The following CDH2 variants were observed in gnomAD, a reference collection of about 807,000 sequenced individuals.
The protein encoded by CDH2 is cadherin-2.
In CDH2, 17 loss-of-function variants were observed where a neutral mutation model predicts 92.0. That is an observed-to-expected ratio of 0.18 (90% CI 0.13 to 0.28). The LOEUF (loss-of-function observed/expected upper bound fraction) is 0.28. Ranked by LOEUF, CDH2 falls within the 10% of genes least tolerant of loss-of-function variation. CDH2 has a pLI of 1.00. For missense variants in CDH2, 862 were observed against 1,133.1 expected (o/e 0.76, Z 3.44); for synonymous variants, 419 against 415.9 (o/e 1.01, Z -0.09).
At chr18:28,147,812 G>A in intron 1 of CDH2, 28 bp from the exon 2 acceptor site, 2 of 1,115,256 alleles carry the variant, frequency 1.8e-6, no homozygotes, top group South Asian at 1.3e-5. Flanking sequence ...AAAAAAAAAT[G>A]TGTGCAATGA....
At chr18:28,060,078 T>C (rs1341023713) in intron 2 of CDH2, among the ~76,000 whole-genome samples, 2 of 152,112 alleles carry the variant, frequency 1.3e-5, no homozygotes, top group Non-Finnish European at 2.9e-5. Flanking sequence ...CAGGAGTACA[T>C]AACAACGCAT....
At chr18:28,045,384 TC>T (rs751271332) in intron 2 of CDH2, 1 of 466,666 alleles carries the variant, frequency 2.1e-6, no homozygotes, top group South Asian at 1.6e-5. Flanking sequence ...TAAATAGCTC[TC>T]CATTGATTAG....
At chr18:28,148,505 C>G (rs1466431729) in intron 1 of CDH2, among the ~76,000 whole-genome samples, 1 of 152,196 alleles carries the variant, frequency 6.6e-6, no homozygotes, top group African/African-American at 2.4e-5. Context: ...CTAGCTAACC[C>G]TCCAAGTTAG....
chr18:28,069,182 T>C (rs2014569353), intron 2 of CDH2, among the ~76,000 whole-genome samples: 1 of 152,196 alleles, frequency 6.6e-6, no homozygotes, highest in African/African-American at 2.4e-5. Flanking sequence ...GTTTTACACC[T>C]ATCTTTATAT....
At chr18:28,091,098 G>C (rs2015028572) in intron 2 of CDH2, among the ~76,000 whole-genome samples, 1 of 152,184 alleles carries the variant, frequency 6.6e-6, no homozygotes, top group African/African-American at 2.4e-5. Context: ...AAAGGATCTA[G>C]ATGTACTCTG....
intron 6 of CDH2, among the ~76,000 whole-genome samples, chr18:27,934,096 A>G (rs1343671291): frequency 2.6e-5 from 4 of 152,254 alleles, no homozygotes; most frequent in East Asian, 1.9e-4. Context: ...TACACGTAGG[A>G]TAAAATACAC....
chr18:27,940,286 C>T (rs1299447176), intron 6 of CDH2, among the ~76,000 whole-genome samples: 1 of 152,190 alleles, frequency 6.6e-6, no homozygotes, highest in Non-Finnish European at 1.5e-5. Flanking sequence ...TTAGGCAAAT[C>T]CAGACTCGCT....
At chr18:28,125,055 AAG>A (rs2015654309) in intron 2 of CDH2, among the ~76,000 whole-genome samples, 1 of 152,218 alleles carries the variant, frequency 6.6e-6, no homozygotes, top group African/African-American at 2.4e-5. Context: ...TGGGCAGGGA[AAG>A]GGGACAGACT....
intron 2 of CDH2, among the ~76,000 whole-genome samples, chr18:28,096,486 G>A (rs527537973): frequency 1.3e-5 from 2 of 149,814 alleles, no homozygotes; most frequent in Admixed American, 6.6e-5. Flanking sequence ...ACACATTTCT[G>A]GAACGCAATA....
At chr18:28,131,980 G>A (rs1357439299) in intron 2 of CDH2, among the ~76,000 whole-genome samples, 2 of 152,074 alleles carry the variant, frequency 1.3e-5, no homozygotes, top group Non-Finnish European at 2.9e-5. Context: ...CTAGGCATTG[G>A]GAATACCGGG....
At position 27,963,443 on chromosome 18, in the gene CDH2, C is replaced by A. The variant is rs1357019333; in HGVS notation, c.2428G>T (p.Asp810Tyr). The A allele has an allele frequency of 6.2e-7, 1 of 1,614,044 alleles. No individual in the cohort carries two copies. Among genetic ancestry groups the A allele is most frequent in the East Asian group, 2.2e-5 (1 of 44,862 alleles). Reference protein sequence around the residue: ...AIKPVGIRRMDERPIHAEPQY... With the variant: ...AIKPVGIRRMYERPIHAEPQY... ...GGCTCGGCGTGGATGGGTCTTTCATCCATTCGTCGGATTCCCACAGGCTTG... is the reference window on the plus strand; with the variant it reads ...GGCTCGGCGTGGATGGGTCTTTCATACATTCGTCGGATTCCCACAGGCTTG... The change falls in exon 15 of 16, where the codon GAT becomes TAT. Residue 810 changes from aspartate to tyrosine, a missense_variant. By Grantham distance (160) the Asp-to-Tyr change is radical. Coordinates refer to ENST00000269141, the MANE Select transcript of CDH2 (RefSeq NM_001792.5).
intron 14 of CDH2, among the ~76,000 whole-genome samples, chr18:27,967,416 GGAT>G (rs1418110172): frequency 6.6e-6 from 1 of 152,120 alleles, no homozygotes; most frequent in Non-Finnish European, 1.5e-5. Flanking sequence ...ACAACATGTA[GGAT>G]GAGAATTATA....
chr18:28,055,985 G>C (rs2014285020), intron 2 of CDH2, among the ~76,000 whole-genome samples: 1 of 152,022 alleles, frequency 6.6e-6, no homozygotes, highest in African/African-American at 2.4e-5. Context: ...TGACTATATG[G>C]TAACTGAAAC....
intron 2 of CDH2, among the ~76,000 whole-genome samples, chr18:28,123,158 G>T (rs1336647924): frequency 1.3e-5 from 2 of 152,010 alleles, no homozygotes; most frequent in Admixed American, 6.6e-5. Flanking sequence ...TATTTTTAAA[G>T]ATAAAAACTG....
At chr18:28,107,444 T>C (rs1385275318) in intron 2 of CDH2, among the ~76,000 whole-genome samples, 5 of 152,100 alleles carry the variant, frequency 3.3e-5, no homozygotes, top group Admixed American at 1.3e-4. Flanking sequence ...GAAAACTGTA[T>C]ACCTGAGGAC....
chr18:28,041,014 T>G (rs1278207796), intron 2 of CDH2, among the ~76,000 whole-genome samples: 1 of 152,148 alleles, frequency 6.6e-6, no homozygotes, highest in Non-Finnish European at 1.5e-5. Context: ...ACTAAGAATG[T>G]TTGAACATCA....
intron 1 of CDH2, among the ~76,000 whole-genome samples, chr18:28,149,223 T>A (rs566820849): frequency 6.6e-6 from 1 of 152,176 alleles, no homozygotes; most frequent in African/African-American, 2.4e-5. Context: ...CCAGTTGACA[T>A]GTGCAGGAAT....
chr18:27,973,544 C>T (rs2011727543), intron 14 of CDH2, among the ~76,000 whole-genome samples: 1 of 152,120 alleles, frequency 6.6e-6, no homozygotes, highest in Non-Finnish European at 1.5e-5. Flanking sequence ...CTCCTCTGTG[C>T]CAAGGGACCT....
intron 14 of CDH2, among the ~76,000 whole-genome samples, chr18:27,977,534 C>G (rs1339045431): frequency 6.6e-6 from 1 of 152,108 alleles, no homozygotes; most frequent in Non-Finnish European, 1.5e-5. Flanking sequence ...TCTTTGTAAT[C>G]AGTTAGCTGC....
Sources: allele counts gnomAD v4.1 joint callset (sites outside exome capture counted in the v4.1 genomes callset), GRCh38; gene constraint gnomAD v4.1.1; transcripts MANE v1.5; gene names NCBI Gene and HGNC (gene_info 2026-07-23, HGNC 2026-07-21).